Variants in RCAN2 observed in about 807,000 individuals in gnomAD.
The protein encoded by RCAN2 is regulator of calcineurin 2.
Under a neutral mutation model 23.6 loss-of-function variants are expected in RCAN2, and 9 were observed. The observed-to-expected ratio is 0.38, with a 90% CI of 0.23 to 0.67. The LOEUF (loss-of-function observed/expected upper bound fraction) is 0.67, where lower values mean the gene tolerates loss of function less well. Ranked by LOEUF, RCAN2 falls within the 30% of genes least tolerant of loss-of-function variation. RCAN2 has a pLI of 0.51. For missense variants in RCAN2, 273 were observed against 302.3 expected, an observed-to-expected ratio of 0.90 and a Z score of 0.72; for synonymous variants, 109 against 115.7, an observed-to-expected ratio of 0.94 and a Z score of 0.37.
At chr6:46,355,817 C>A (rs981837197) in intron 2 of RCAN2, among the ~76,000 whole-genome samples, 4 of 152,138 alleles carry the variant, frequency 2.6e-5, no homozygotes, top group Non-Finnish European at 5.9e-5. Context: ...GTAGATCCAC[C>A]CTAAGAAAGT....
Position 46,398,840 on chromosome 6 carries a change from A to C in RCAN2, c.225+57912T>G, listed in dbSNP as rs555489957. On this transcript the variant is annotated intron_variant, in intron 2 of 4. Transcript: ENST00000371374. ...GAGCATCTTCAGTCATTCCATATTA[A>C]TGGGTGCATTATAGTGTTTATTTAT... Among the ~76,000 whole-genome samples the C allele has an allele frequency of 9.5e-4, 144 of 151,984 alleles. 3 individuals are homozygous for C. The highest frequency in any genetic ancestry group is 3.1e-3 in the African/African-American group (128 of 41,482).
chr6:46,370,022 C>T (rs188369992), intron 2 of RCAN2, among the ~76,000 whole-genome samples: 1 of 152,260 alleles, frequency 6.6e-6, no homozygotes, highest in Non-Finnish European at 1.5e-5. Flanking sequence ...GGAAAACAGT[C>T]TAACGGCACA....
At chr6:46,276,359 C>T (rs544090700) in intron 2 of RCAN2, among the ~76,000 whole-genome samples, 1 of 152,122 alleles carries the variant, frequency 6.6e-6, no homozygotes, top group Admixed American at 6.5e-5. Context: ...TATACTTTGC[C>T]ACGACACAAG....
intron 2 of RCAN2, among the ~76,000 whole-genome samples, chr6:46,349,897 C>G (rs183563173): frequency 8.1e-4 from 124 of 152,312 alleles, no homozygotes; most frequent in African/African-American, 2.8e-3. Flanking sequence ...TCATTCCCTG[C>G]TCTCACCCTC....
At chr6:46,259,916 G>A (rs896765270) in intron 2 of RCAN2, among the ~76,000 whole-genome samples, 2 of 152,234 alleles carry the variant, frequency 1.3e-5, no homozygotes, top group Non-Finnish European at 2.9e-5. Flanking sequence ...ATAGAGCAAG[G>A]TATGCGAGAA....
chr6:46,325,462 C>A (rs748200785), intron 2 of RCAN2: 2 of 1,614,158 alleles, frequency 1.2e-6, no homozygotes, highest in South Asian at 2.2e-5. Context: ...CATCACAGTC[C>A]ATGCTAGGGG....
intron 2 of RCAN2, among the ~76,000 whole-genome samples, chr6:46,427,604 T>C (rs1324244101): frequency 6.6e-6 from 1 of 152,206 alleles, no homozygotes; most frequent in Non-Finnish European, 1.5e-5. Context: ...AATAATGACA[T>C]ACCTATCAGA....
chr6:46,392,941 T>C (rs1434314133), intron 2 of RCAN2, among the ~76,000 whole-genome samples: 2 of 152,216 alleles, frequency 1.3e-5, no homozygotes, highest in Non-Finnish European at 2.9e-5. Context: ...ATAGGTCTAG[T>C]ATATTAAAGG....
In RCAN2 at chr6:46,432,338, C is replaced by T. The variant is rs141593457; in HGVS notation, c.225+24414G>A. Among the ~76,000 whole-genome samples the T allele has an allele frequency of 3.7e-4, 57 of 152,104 alleles. No homozygotes were observed. In the East Asian group the frequency reaches 5.8e-3, roughly 16 times the overall value. On this transcript the variant is annotated intron_variant, in intron 2 of 4. Coordinates refer to ENST00000371374, the MANE Select transcript of RCAN2 (RefSeq NM_001251974.2). ...AAGCAATTCTCTTGCCTCAGCCTCC[C>T]GGGTAGCTGGGATTACAGGCATGTG...
chr6:46,456,412 T>C (rs999415820), intron 2 of RCAN2, among the ~76,000 whole-genome samples: 2 of 152,176 alleles, frequency 1.3e-5, no homozygotes, highest in Non-Finnish European at 2.9e-5. Context: ...TATGGCAGAA[T>C]AGAGGAAAAG....
rs1450991443 is a variant in RCAN2, at chr6:46,416,685, C to T, written c.225+40067G>A. 2.6e-5 allele frequency among the ~76,000 whole-genome samples: 4 copies of T among 151,882 alleles called. No individual in the cohort carries two copies. In the South Asian group the frequency reaches 6.3e-4, roughly 24 times the overall value. ...TACAGACATGTACCACCATCCCCAG[C>T]TAATGTTTTTATTTTTTGTAGAGAT... On this transcript the variant is annotated intron_variant, in intron 2 of 4. Transcript: ENST00000371374.
chr6:46,412,913 T>A (rs1395511032), intron 2 of RCAN2, among the ~76,000 whole-genome samples: 1 of 152,218 alleles, frequency 6.6e-6, no homozygotes. Context: ...ATAATAGGGC[T>A]GGTAGACTTT....
intron 2 of RCAN2, among the ~76,000 whole-genome samples, chr6:46,442,827 C>CG (rs1485497878): frequency 2.0e-5 from 3 of 152,076 alleles, no homozygotes; most frequent in African/African-American, 4.8e-5. Flanking sequence ...TCTTGGGCCC[C>CG]GGGGGTCACT....
chr6:46,454,651 A>G (rs895106361), intron 2 of RCAN2, among the ~76,000 whole-genome samples: 1 of 152,226 alleles, frequency 6.6e-6, no homozygotes, highest in African/African-American at 2.4e-5. Flanking sequence ...GGTGATCTAA[A>G]TCATTTGAAA....
intron 2 of RCAN2, among the ~76,000 whole-genome samples, chr6:46,304,410 G>A (rs1015255626): frequency 1.3e-5 from 2 of 152,004 alleles, no homozygotes; most frequent in Non-Finnish European, 2.9e-5. Context: ...TTAATGATTA[G>A]GAGTTCTTAA....
At chr6:46,341,687 A>T (rs567669710) in intron 2 of RCAN2, among the ~76,000 whole-genome samples, 2 of 152,190 alleles carry the variant, frequency 1.3e-5, no homozygotes, top group East Asian at 3.9e-4. Flanking sequence ...AATCCCAGCT[A>T]CTCAGGAGGC....
intron 2 of RCAN2, among the ~76,000 whole-genome samples, chr6:46,420,773 T>G (rs1582187791): frequency 2.6e-5 from 4 of 151,966 alleles, no homozygotes; most frequent in Admixed American, 2.6e-4. Flanking sequence ...TCTCGAACTC[T>G]TGACCTCAGG....
chr6:46,284,497 C>T (rs1001745777), intron 2 of RCAN2, among the ~76,000 whole-genome samples: 1 of 152,136 alleles, frequency 6.6e-6, no homozygotes, highest in Non-Finnish European at 1.5e-5. Flanking sequence ...TAATAAAACC[C>T]AATAGACCAG....
At chr6:46,375,818 C>A in intron 2 of RCAN2, among the ~76,000 whole-genome samples, 1 of 152,170 alleles carries the variant, frequency 6.6e-6, no homozygotes, top group East Asian at 1.9e-4. Context: ...AAACAGAAAT[C>A]TGAATTTCAT....
Sources: allele counts gnomAD v4.1 joint callset (sites outside exome capture counted in the v4.1 genomes callset), GRCh38; gene constraint gnomAD v4.1.1; transcripts MANE v1.5; gene names NCBI Gene and HGNC (gene_info 2026-07-23, HGNC 2026-07-21).